Variants in ITGA4 observed in about 807,000 individuals in gnomAD.
ITGA4 encodes the protein integrin alpha-4.
ITGA4 carries 63 observed loss-of-function variants against 133.6 expected under a neutral mutation model. The ratio of observed to expected loss-of-function variants is 0.47; its 90% CI spans 0.38 to 0.58. The LOEUF (loss-of-function observed/expected upper bound fraction) is 0.58. Ranked by LOEUF, ITGA4 falls within the 20% of genes least tolerant of loss-of-function variation. The pLI, the probability that ITGA4 is intolerant of heterozygous loss-of-function variation, is 0.00. For missense variants in ITGA4, 1,076 were observed against 1,252.7 expected (o/e 0.86, Z 2.13); for synonymous variants, 483 against 438.0 (o/e 1.10, Z -1.28).
chr2:181,527,875 T>C (rs1413988101), intron 22 of ITGA4, among the ~76,000 whole-genome samples: 4 of 152,228 alleles, frequency 2.6e-5, no homozygotes, highest in Non-Finnish European at 5.9e-5. Context: ...ACAAGTGCTT[T>C]ATCAATTATT....
chr2:181,457,493 C>A lies in ITGA4; in HGVS notation c.-162C>A, dbSNP rs113276800. The stretch of plus-strand genomic sequence containing the variant: ...GCCCGAACGCTCCGCCCGCGGTGGG[C>A]CGACTTCCCCTCCTCTTCCCTCTCT... On this transcript the variant is annotated 5_prime_UTR_variant, in exon 1 of 28. Transcript: ENST00000397033. 0.17 allele frequency: 110,858 copies of A among 653,118 alleles called. 10,267 individuals carry two copies. Among genetic ancestry groups the A allele is most frequent in the Middle Eastern group, 0.24 (546 of 2,292 alleles). The allele number at this position is 653,118 out of a possible 1,614,324, so 40.5% of individuals were successfully genotyped here. A position where few individuals can be genotyped will look rare whatever the true frequency, so the allele number is the denominator to read the frequency against.
intron 1 of ITGA4, 72 bp downstream of exon 1, chr2:181,457,923 G>A: frequency 7.9e-6 from 11 of 1,397,384 alleles, no homozygotes; most frequent in Non-Finnish European, 1.1e-5. Context: ...GGGATTCCCT[G>A]CCCGATTCAA....
At position 181,537,489 on chromosome 2, in the gene ITGA4, C is replaced by A. The variant is rs1687203929; in HGVS notation, c.*1962C>A. 2.2e-6 allele frequency: 1 copy of A among 453,418 alleles called. No homozygotes were observed. Among genetic ancestry groups the A allele is most frequent in the South Asian group, 1.6e-5 (1 of 64,450 alleles). The allele number at this position is 453,418 out of a possible 1,614,324, so 28.1% of individuals were successfully genotyped here. On this transcript the variant is annotated 3_prime_UTR_variant, in exon 28 of 28. Coordinates refer to ENST00000397033, the MANE Select transcript of ITGA4 (RefSeq NM_000885.6). The stretch of plus-strand genomic sequence containing the variant: ...TTTAAGAAGACAGGGATGGGTTATT[C>A]TTTTTTGGCAGGTAGGCTATATAAC...
In ITGA4 at chr2:181,494,560, A is replaced by G. The variant is rs149247121; in HGVS notation, c.1249-162A>G. 5.9e-5 allele frequency among the ~76,000 whole-genome samples: 9 copies of G among 152,348 alleles called. No individual in the cohort carries two copies. In the East Asian group the frequency reaches 1.7e-3, roughly 29 times the overall value. ...GTCACCTGTTCATTTCAAGCTGGAA[A>G]AATTTTGTCACCCTTAGAAGTATTT... On this transcript the variant is annotated intron_variant, in intron 11 of 27. Transcript: ENST00000397033.
At position 181,495,877 on chromosome 2, in the gene ITGA4, G is replaced by A; in HGVS notation, c.1480G>A (p.Val494Met). 6.2e-7 allele frequency: 1 copy of A among 1,613,982 alleles called. No homozygotes were observed. Among genetic ancestry groups the A allele is most frequent in the East Asian group, 2.2e-5 (1 of 44,884 alleles). Residue 494 changes from valine to methionine, a missense_variant, in exon 14 of 28, where the codon GTG (valine) becomes ATG (methionine). Coordinates refer to ENST00000397033, the MANE Select transcript of ITGA4 (RefSeq NM_000885.6). This position sits in a 1 kb window ranked among gnomAD's most constrained non-coding sequence, Gnocchi z 4.3. Reference protein sequence around the residue: ...FDCVENGWPSVCIDLTLCFSY... With the variant: ...FDCVENGWPSMCIDLTLCFSY... ...CTGTGTTGAAAATGGATGGCCTTCT[G>A]TGTGCATAGATCTAACACTTTGTTT...
chr2:181,481,581 T>C lies in ITGA4; in HGVS notation c.755-17T>C, dbSNP rs200312042. On this transcript the variant is annotated splice_polypyrimidine_tract_variant and intron_variant, in intron 6 of 27. Transcript: ENST00000397033. ...TACTTTACCCAGGACTCTCATACTT[T>C]CTCCCTTTTCTTAAAGGATATTCAG... is the stretch of plus-strand genomic sequence containing the variant. The C allele has an allele frequency of 6.7e-4, 996 of 1,488,912 alleles. 16 individuals are homozygous for C. The South Asian group carries it at 9.1e-3, about 14-fold the overall frequency. 92.2% of individuals were successfully genotyped at this position (1,488,912 alleles called of 1,614,324 possible). A position where few individuals can be genotyped will look rare whatever the true frequency, so the allele number is the denominator to read the frequency against.
chr2:181,511,698 G>C lies in ITGA4; in HGVS notation c.1846-1G>C, dbSNP rs61733952. 4 of 1,542,046 alleles carry C rather than the reference G, an allele frequency of 2.6e-6. No homozygotes were observed. Among genetic ancestry groups the C allele is most frequent in the Non-Finnish European group, 3.6e-6 (4 of 1,118,390 alleles). ...AAAAAACGTTGTCTTTTTATTTCCA[G>C]ATAAACTTTGCAAGGTTTTGTGCCC... On this transcript the variant is annotated splice_acceptor_variant, in intron 16 of 27. Coordinates refer to ENST00000397033, the MANE Select transcript of ITGA4 (RefSeq NM_000885.6). LOFTEE classifies it high-confidence loss of function.
Position 181,536,389 on chromosome 2 carries a change from C to T in ITGA4, c.*862C>T, listed in dbSNP as rs10490691. Among the ~76,000 whole-genome samples, 20,731 of 136,510 alleles carry T rather than the reference C, an allele frequency of 0.15. 1,579 individuals carry two copies. The highest frequency in any genetic ancestry group is 0.23 in the East Asian group (1,127 of 4,880). The allele number at this position is 136,510 out of a possible 152,430, so 89.6% of individuals were successfully genotyped here. On this transcript the variant is annotated 3_prime_UTR_variant, in exon 28 of 28. Transcript: ENST00000397033. ...TGAGTGTTGCACTTTACCTGATACA[C>T]GCTGATTTAGAAAATACAGAAACCA... is the stretch of plus-strand genomic sequence containing the variant.
intron 4 of ITGA4, among the ~76,000 whole-genome samples, chr2:181,476,378 G>A (rs1291692824): frequency 2.0e-5 from 3 of 152,036 alleles, no homozygotes; most frequent in African/African-American, 7.2e-5. Context: ...TACAGGATCA[G>A]GTAAGATATA....
At chr2:181,532,228 G>C (rs1218688374) in intron 25 of ITGA4, among the ~76,000 whole-genome samples, 2 of 152,158 alleles carry the variant, frequency 1.3e-5, no homozygotes, top group African/African-American at 4.8e-5. Flanking sequence ...GGATTGTCTT[G>C]ACTATATGGG....
At chr2:181,511,496 C>T (rs563424499) in intron 16 of ITGA4, among the ~76,000 whole-genome samples, 1 of 151,992 alleles carries the variant, frequency 6.6e-6, no homozygotes, top group Non-Finnish European at 1.5e-5. Context: ...TAGAACTTAG[C>T]TCTTTTAGCC....
intron 25 of ITGA4, among the ~76,000 whole-genome samples, chr2:181,532,165 G>A (rs1686957885): frequency 6.6e-6 from 1 of 152,164 alleles, no homozygotes; most frequent in South Asian, 2.1e-4. Context: ...GGTTAGCCTT[G>A]TAGTACAGTT....
chr2:181,492,109 C>G (rs1193198267), intron 10 of ITGA4, among the ~76,000 whole-genome samples: 1 of 152,178 alleles, frequency 6.6e-6, no homozygotes, highest in Non-Finnish European at 1.5e-5. Context: ...TGATACTGCC[C>G]TGTTTTGCCA....
At chr2:181,461,565 G>T (rs571655199) in intron 2 of ITGA4, among the ~76,000 whole-genome samples, 19 of 152,084 alleles carry the variant, frequency 1.2e-4, no homozygotes, top group African/African-American at 4.1e-4. Flanking sequence ...AAATTAAGGT[G>T]TCACAAATAA....
intron 22 of ITGA4, among the ~76,000 whole-genome samples, chr2:181,528,931 T>C (rs1248143527): frequency 6.6e-6 from 1 of 152,234 alleles, no homozygotes; most frequent in Non-Finnish European, 1.5e-5. Flanking sequence ...AAACCTTTTG[T>C]GCTTTCTCAA....
At position 181,524,153 on chromosome 2, in the gene ITGA4, C is replaced by A; in HGVS notation, c.2170-18C>A. On this transcript the variant is annotated intron_variant, in intron 19 of 27. Coordinates refer to ENST00000397033, the MANE Select transcript of ITGA4 (RefSeq NM_000885.6). ...TTAAGATTTTTTTTAATGGGCTTTC[C>A]TGGTCTGTGTTTTACAGATAGATAT... The A allele has an allele frequency of 6.5e-7, 1 of 1,544,530 alleles. No individual in the cohort carries two copies. The highest frequency in any genetic ancestry group is 2.0e-5 in the Admixed American group (1 of 51,064).
chr2:181,521,088 T>C (rs1245505935), intron 17 of ITGA4, among the ~76,000 whole-genome samples: 2 of 152,206 alleles, frequency 1.3e-5, no homozygotes, highest in Non-Finnish European at 2.9e-5. Flanking sequence ...TCTGCAGTGC[T>C]AGGTGGATAT....
At chr2:181,460,291 A>G (rs963605493) in intron 2 of ITGA4, among the ~76,000 whole-genome samples, 4 of 152,232 alleles carry the variant, frequency 2.6e-5, no homozygotes, top group Non-Finnish European at 5.9e-5. Context: ...TTTGCCGAAG[A>G]GTTGACTGAA....
At chr2:181,530,894 C>T (rs1331294274) in intron 24 of ITGA4, among the ~76,000 whole-genome samples, 2 of 151,912 alleles carry the variant, frequency 1.3e-5, no homozygotes, top group Non-Finnish European at 2.9e-5. Flanking sequence ...TTTGGGAGGC[C>T]GAGGTGGGCA....
Sources: allele counts gnomAD v4.1 joint callset (sites outside exome capture counted in the v4.1 genomes callset), GRCh38; gene constraint gnomAD v4.1.1; non-coding constraint Gnocchi (gnomAD v3.1); transcripts MANE v1.5; gene names NCBI Gene and HGNC (gene_info 2026-07-23, HGNC 2026-07-21).